TXK: variants seen among roughly 807,000 people sequenced by gnomAD.
TXK encodes TXK tyrosine kinase, also known as tyrosine-protein kinase TXK.
Under a neutral mutation model 81.0 loss-of-function variants are expected in TXK, and 60 were observed. The observed-to-expected ratio is 0.74, with a 90% CI of 0.60 to 0.92. The LOEUF (loss-of-function observed/expected upper bound fraction) is 0.92, where lower values mean the gene tolerates loss of function less well. Ranked by LOEUF, TXK falls within the 40% of genes least tolerant of loss-of-function variation. The pLI is 0.00. For synonymous variants in TXK, 203 were observed against 210.7 expected, an observed-to-expected ratio of 0.96 and a Z score of 0.32; for missense variants, 581 against 638.3, an observed-to-expected ratio of 0.91 and a Z score of 0.97.
At chr4:48,119,618 T>C (rs747689561) in intron 1 of TXK, among the ~76,000 whole-genome samples, 4 of 152,180 alleles carry the variant, frequency 2.6e-5, no homozygotes, top group Non-Finnish European at 4.4e-5. Context: ...CCCAAAGACT[T>C]ACTTCTGGAG....
At chr4:48,127,116 G>A (rs1272257698) in intron 1 of TXK, among the ~76,000 whole-genome samples, 1 of 152,186 alleles carries the variant, frequency 6.6e-6, no homozygotes, top group Non-Finnish European at 1.5e-5. Context: ...TGGTGAGCAG[G>A]AAGGCAAACC....
chr4:48,074,063 T>C lies in TXK; in HGVS notation c.1239-10A>G. 1 of 1,596,012 alleles carries C rather than the reference T, an allele frequency of 6.3e-7. No individual in the cohort carries two copies. The highest frequency in any genetic ancestry group is 8.6e-7 in the Non-Finnish European group (1 of 1,163,890). On this transcript the variant is annotated splice_polypyrimidine_tract_variant and intron_variant, in intron 12 of 14. Coordinates refer to ENST00000264316, the MANE Select transcript of TXK (RefSeq NM_003328.3). ...ATCATCCAAAACGTACCTAAGTTTA[T>C]CAGATTCAAAGCATATTGTGTTAAT... is the stretch of plus-strand genomic sequence containing the variant.
intron 1 of TXK, among the ~76,000 whole-genome samples, chr4:48,119,974 T>G (rs1340901633): frequency 6.6e-6 from 1 of 151,952 alleles, no homozygotes; most frequent in Admixed American, 6.6e-5. Flanking sequence ...CAAAATGTTG[T>G]GCCCAAGCCC....
intron 9 of TXK, among the ~76,000 whole-genome samples, chr4:48,089,193 T>C (rs962616567): frequency 2.4e-4 from 37 of 152,152 alleles, no homozygotes; most frequent in African/African-American, 8.0e-4. Context: ...AGGGTGAAGA[T>C]TAAGGCTCCT....
intron 13 of TXK, 94 bp from the exon 14 acceptor site, chr4:48,071,768 T>A (rs1189288222): frequency 7.0e-7 from 1 of 1,431,852 alleles, no homozygotes; most frequent in African/African-American, 1.4e-5. Flanking sequence ...ATTATTTTTG[T>A]GCTCCAGGCT....
intron 14 of TXK, among the ~76,000 whole-genome samples, chr4:48,069,326 C>CTT (rs376924565): frequency 0.055 from 5,217 of 95,440 alleles, 344 homozygotes; most frequent in African/African-American, 0.21. Context: ...CTTTTCTTTT[C>CTT]TTTTTTTTTT....
rs1187358502 is a variant in TXK, at chr4:48,076,386, T to TATAC, written c.1238+12_1238+15dup. On this transcript the variant is annotated intron_variant, in intron 12 of 14. Transcript: ENST00000264316. ...AACAAACAAACAAAATACATATATATATACATAGCATGTACCTTGTCATTC... is the reference window on the plus strand; with the variant it reads ...AACAAACAAACAAAATACATATATATATACATACATAGCATGTACCTTGTCATTC... The TATAC allele has an allele frequency of 3.2e-6, 5 of 1,558,474 alleles. No homozygotes were observed. The South Asian group carries it at 5.7e-5, about 18-fold the overall frequency.
chr4:48,070,607 C>T (rs1460519133), intron 14 of TXK, among the ~76,000 whole-genome samples: 2 of 151,998 alleles, frequency 1.3e-5, no homozygotes, highest in African/African-American at 4.8e-5. Flanking sequence ...GAGACAGAGT[C>T]TTGTTCTGTT....
intron 1 of TXK, among the ~76,000 whole-genome samples, chr4:48,130,376 C>G (rs55683170): frequency 0.39 from 59,257 of 151,976 alleles, 11,897 homozygotes; most frequent in Admixed American, 0.47. Flanking sequence ...CTGGGCCCAA[C>G]CAGAGCTGGA....
Position 48,104,575 on chromosome 4 carries a change from A to AT in TXK, c.501+325dup, listed in dbSNP as rs1305513497. Reference sequence around the variant, plus strand: ...ATAATATATAATATATATATATAATATATATATTATATATATATATAGAGA... The same window carrying AT: ...ATAATATATAATATATATATATAATATTATATATTATATATATATATAGAGA... On this transcript the variant is annotated intron_variant, in intron 6 of 14. Coordinates refer to ENST00000264316, the MANE Select transcript of TXK (RefSeq NM_003328.3). Among the ~76,000 whole-genome samples, 3 of 6,474 alleles carry AT rather than the reference A, an allele frequency of 4.6e-4. 1 individual carries two copies. Among genetic ancestry groups the AT allele is most frequent in the Admixed American group, 8.6e-3 (2 of 232 alleles). 4.2% of individuals were successfully genotyped at this position (6,474 alleles called of 152,430 possible).
chr4:48,090,380 A>G (rs899742030), intron 8 of TXK, among the ~76,000 whole-genome samples: 4 of 152,214 alleles, frequency 2.6e-5, no homozygotes, highest in African/African-American at 7.2e-5. Context: ...TAATTTATTC[A>G]ACCACCAACG....
chr4:48,130,065 G>A (rs764135716), intron 1 of TXK, among the ~76,000 whole-genome samples: 7 of 152,180 alleles, frequency 4.6e-5, no homozygotes, highest in Non-Finnish European at 1.0e-4. Flanking sequence ...CTGCAGTGAC[G>A]AGTTAAAAAC....
chr4:48,132,308 G>C (rs1277782070), intron 1 of TXK, among the ~76,000 whole-genome samples: 2 of 152,234 alleles, frequency 1.3e-5, no homozygotes, highest in East Asian at 3.9e-4. Context: ...GGCCCTCTGA[G>C]TCTTAGAGGT....
At chr4:48,126,749 C>G (rs1719099922) in intron 1 of TXK, among the ~76,000 whole-genome samples, 2 of 152,322 alleles carry the variant, frequency 1.3e-5, no homozygotes, top group South Asian at 4.1e-4. Flanking sequence ...AGTGATCCCC[C>G]TCTTTGGCCT....
chr4:48,078,878 A>G (rs1022467319), intron 11 of TXK, among the ~76,000 whole-genome samples: 2 of 152,206 alleles, frequency 1.3e-5, no homozygotes, highest in African/African-American at 2.4e-5. Context: ...CTTGGCATAT[A>G]CTAGGCACTT....
At chr4:48,120,918 C>T (rs1375449830) in intron 1 of TXK, among the ~76,000 whole-genome samples, 3 of 152,170 alleles carry the variant, frequency 2.0e-5, no homozygotes, top group South Asian at 4.1e-4. Context: ...GACCCATGCA[C>T]CACTAAATCC....
intron 11 of TXK, 97 bp downstream of exon 11, chr4:48,079,815 T>C: frequency 3.4e-6 from 3 of 882,218 alleles, no homozygotes; most frequent in Non-Finnish European, 5.4e-6. Flanking sequence ...AAAAATTAAA[T>C]CAAGGACACA....
rs9994756 is a variant in TXK, at chr4:48,104,234, T to A, written c.501+667A>T. Among the ~76,000 whole-genome samples the A allele has an allele frequency of 9.2e-4, 62 of 67,380 alleles. 13 individuals carry two copies. Among genetic ancestry groups the A allele is most frequent in the Admixed American group, 1.1e-3 (4 of 3,548 alleles). 44.2% of individuals were successfully genotyped at this position (67,380 alleles called of 152,430 possible). ...TATATATATATATTATATATTATAT[T>A]ATATATAATATATATTTTATATATA... On this transcript the variant is annotated intron_variant, in intron 6 of 14. Coordinates refer to ENST00000264316, the MANE Select transcript of TXK (RefSeq NM_003328.3).
chr4:48,130,489 G>A (rs866935940), intron 1 of TXK, among the ~76,000 whole-genome samples: 6 of 152,140 alleles, frequency 3.9e-5, no homozygotes, highest in African/African-American at 1.4e-4. Context: ...AAAGCAGCCG[G>A]CGATGCAGGA....
Sources: gnomAD v4.1 joint callset for allele counts (sites outside exome capture counted in the v4.1 genomes callset) on GRCh38, gnomAD v4.1.1 for gene constraint, MANE v1.5 for transcripts, NCBI Gene and HGNC (gene_info 2026-07-23, HGNC 2026-07-21) for gene names.